Variants in MTDH observed in about 807,000 individuals in gnomAD.
MTDH encodes the protein protein LYRIC.
Under a neutral mutation model 72.7 loss-of-function variants are expected in MTDH, and 34 were observed. The ratio of observed to expected loss-of-function variants is 0.47; its 90% CI spans 0.36 to 0.62. MTDH has a LOEUF of 0.62. Ranked by LOEUF, MTDH falls within the 20% of genes least tolerant of loss-of-function variation. The probability of loss-of-function intolerance (pLI) is 0.00; values close to 1 mark genes in which losing one functional copy is unlikely to be tolerated. For missense variants in MTDH, 677 were observed against 699.4 expected, an observed-to-expected ratio of 0.97 and a Z score of 0.36; for synonymous variants, 266 against 268.9, an observed-to-expected ratio of 0.99 and a Z score of 0.10.
At chr8:97,699,704 T>A (rs1412613158) in intron 6 of MTDH, 50 bp from the exon 7 acceptor site, 1 of 1,240,662 alleles carries the variant, frequency 8.1e-7, no homozygotes, top group Non-Finnish European at 1.2e-6. Context: ...TTATGAAACA[T>A]CATTAGGAAA....
rs778762844 is a variant in MTDH at position 97,686,794 on chromosome 8, C to A, written c.568+42C>A. The A allele has an allele frequency of 7.3e-6, 10 of 1,364,824 alleles. No homozygotes were observed. In the Admixed American group the frequency reaches 1.8e-4, roughly 25 times the overall value. 84.5% of individuals were successfully genotyped at this position (1,364,824 alleles called of 1,614,324 possible). A position where few individuals can be genotyped will look rare whatever the true frequency, so the allele number is the denominator to read the frequency against. On this transcript the variant is annotated intron_variant, in intron 3 of 11. Transcript: ENST00000336273. ...AAGGACTGTAGAAAATTTTTTAATC[C>A]TTTTTTATCAAAGTGTATTATATAA...
intron 2 of MTDH, among the ~76,000 whole-genome samples, chr8:97,661,607 A>G (rs1299308592): frequency 1.3e-5 from 2 of 152,236 alleles, no homozygotes; most frequent in African/African-American, 4.8e-5. Flanking sequence ...TGTTGGAAAC[A>G]TAATTGTCTA....
At chr8:97,699,438 A>G (rs999617156) in intron 6 of MTDH, among the ~76,000 whole-genome samples, 3 of 137,096 alleles carry the variant, frequency 2.2e-5, no homozygotes, top group Non-Finnish European at 4.5e-5. Context: ...TCCTGTCTCA[A>G]AAAAAAAAAA....
At chr8:97,722,606 A>C (rs1393396208) in intron 10 of MTDH, among the ~76,000 whole-genome samples, 1 of 152,232 alleles carries the variant, frequency 6.6e-6, no homozygotes, top group Non-Finnish European at 1.5e-5. Flanking sequence ...CACCTCAAAA[A>C]AAAGTTAATG....
chr8:97,674,011 C>G (rs991009842), intron 2 of MTDH, among the ~76,000 whole-genome samples: 2 of 151,910 alleles, frequency 1.3e-5, no homozygotes, highest in Admixed American at 6.6e-5. Context: ...TTTTAATTAG[C>G]CAGGCATGGT....
chr8:97,687,684 A>C lies in MTDH; in HGVS notation c.745+79A>C. 6 of 1,241,950 alleles carry C rather than the reference A, an allele frequency of 4.8e-6. No homozygotes were observed. The South Asian group carries it at 9.8e-5, about 20-fold the overall frequency. The allele number at this position is 1,241,950 out of a possible 1,614,324, so 76.9% of individuals were successfully genotyped here. A position where few individuals can be genotyped will look rare whatever the true frequency, so the allele number is the denominator to read the frequency against. On this transcript the variant is annotated intron_variant, in intron 4 of 11. Transcript: ENST00000336273. ...GGATGTACAAAATATCATTATGTCAAAATCTGACTATTTTGAATGCTAACA... is the reference window on the plus strand; with the variant it reads ...GGATGTACAAAATATCATTATGTCACAATCTGACTATTTTGAATGCTAACA...
rs1375595023 is a variant in MTDH at position 97,644,280 on chromosome 8, C to T, written c.-227C>T. ...CCACTGGAGACACTCCCTCCCGCCT[C>T]CCGGGTCTCCTGGCGGCGGCGGAGT... On this transcript the variant is annotated 5_prime_UTR_variant, in exon 1 of 12. Coordinates refer to ENST00000336273, the MANE Select transcript of MTDH (RefSeq NM_178812.4). 7.1e-6 allele frequency: 4 copies of T among 559,714 alleles called. No individual in the cohort carries two copies. Among genetic ancestry groups the T allele is most frequent in the Non-Finnish European group, 1.2e-5 (4 of 332,762 alleles). 34.7% of individuals were successfully genotyped at this position (559,714 alleles called of 1,614,324 possible).
chr8:97,713,249 T>C (rs1282913546), intron 8 of MTDH, among the ~76,000 whole-genome samples: 1 of 152,120 alleles, frequency 6.6e-6, no homozygotes, highest in African/African-American at 2.4e-5. Context: ...CACGCCCGGC[T>C]AATTTTTTTG....
At chr8:97,684,523 T>A (rs1432837471) in intron 2 of MTDH, among the ~76,000 whole-genome samples, 2 of 152,360 alleles carry the variant, frequency 1.3e-5, no homozygotes, top group East Asian at 3.9e-4. Flanking sequence ...GCTGCTTTCA[T>A]GCTATATGAG....
intron 2 of MTDH, among the ~76,000 whole-genome samples, chr8:97,675,213 C>T (rs915724447): frequency 6.6e-6 from 1 of 152,044 alleles, no homozygotes; most frequent in Non-Finnish European, 1.5e-5. Context: ...TGTCAGTTCA[C>T]CAAATTTTTA....
intron 1 of MTDH, among the ~76,000 whole-genome samples, chr8:97,658,792 A>G (rs1362105126): frequency 6.6e-6 from 1 of 152,192 alleles, no homozygotes; most frequent in Admixed American, 6.5e-5. Context: ...AAAATCAGAA[A>G]AGGCAAGTTT....
At chr8:97,645,373 A>G (rs958357140) in intron 1 of MTDH, among the ~76,000 whole-genome samples, 3 of 152,236 alleles carry the variant, frequency 2.0e-5, no homozygotes, top group Non-Finnish European at 4.4e-5. Flanking sequence ...GGGCTTACAC[A>G]GGATTAAAGG....
At position 97,726,170 on chromosome 8, in the gene MTDH, A is replaced by G. The variant is rs1208087845; in HGVS notation, c.*1500A>G. 6.6e-6 allele frequency: 1 copy of G among 152,668 alleles called. No homozygotes were observed. Among genetic ancestry groups the G allele is most frequent in the Non-Finnish European group, 1.5e-5 (1 of 68,050 alleles). 9.5% of individuals were successfully genotyped at this position (152,668 alleles called of 1,614,324 possible). Reference sequence around the variant, plus strand: ...TGCTGAAGACTGGCCTTATTAATGGACAGCTTTCCTAACAAGAGATTATTA... The same window carrying G: ...TGCTGAAGACTGGCCTTATTAATGGGCAGCTTTCCTAACAAGAGATTATTA... On this transcript the variant is annotated 3_prime_UTR_variant, in exon 12 of 12. Transcript: ENST00000336273.
chr8:97,707,253 G>A (rs557097000), intron 8 of MTDH, among the ~76,000 whole-genome samples: 1 of 150,858 alleles, frequency 6.6e-6, no homozygotes, highest in Non-Finnish European at 1.5e-5. Flanking sequence ...CTGTGTTCAA[G>A]CAGTTTTCCT....
intron 2 of MTDH, among the ~76,000 whole-genome samples, chr8:97,685,975 C>T (rs1303907183): frequency 1.3e-5 from 2 of 152,046 alleles, no homozygotes; most frequent in Admixed American, 6.6e-5. Context: ...GAATATCATT[C>T]GAAAACAGCC....
intron 6 of MTDH, among the ~76,000 whole-genome samples, chr8:97,694,131 A>T (rs943601863): frequency 2.6e-5 from 4 of 151,934 alleles, no homozygotes; most frequent in African/African-American, 9.7e-5. Context: ...AATAGATACT[A>T]GAAACTTTTT....
At chr8:97,706,859 G>T in intron 8 of MTDH, 109 bp downstream of exon 8, 1 of 1,321,546 alleles carries the variant, frequency 7.6e-7, no homozygotes, top group South Asian at 1.7e-5. Context: ...TGGGAGGATT[G>T]CTTGAGCCCA....
intron 2 of MTDH, among the ~76,000 whole-genome samples, chr8:97,680,068 C>G (rs1813009217): frequency 6.6e-6 from 1 of 151,884 alleles, no homozygotes; most frequent in South Asian, 2.1e-4. Flanking sequence ...TTTTCGTCAT[C>G]TAGTTTTTTT....
Position 97,713,667 on chromosome 8 carries a change from AGAT to A in MTDH, c.1285_1287del (p.Asp429del). ...ATTTTTGCTTTTAACCTAAGGTCTCAGATGATGATAAAGAAAAGGGAGAGGGAG... is the reference window on the plus strand; with the variant it reads ...ATTTTTGCTTTTAACCTAAGGTCTCAGATGATAAAGAAAAGGGAGAGGGAG... On this transcript the variant is annotated inframe_deletion, in exon 9 of 12. Transcript: ENST00000336273. 6.3e-7 allele frequency: 1 copy of A among 1,589,028 alleles called. No homozygotes were observed.
Sources: allele counts gnomAD v4.1 joint callset (sites outside exome capture counted in the v4.1 genomes callset), GRCh38; gene constraint gnomAD v4.1.1; transcripts MANE v1.5; gene names NCBI Gene and HGNC (gene_info 2026-07-23, HGNC 2026-07-21).